EYS: variants seen among roughly 807,000 people sequenced by gnomAD.
EYS encodes the protein protein eyes shut homolog.
A neutral mutation model predicts 282.1 loss-of-function variants in EYS; 250 were observed. That is an observed-to-expected ratio of 0.89 (90% CI 0.80 to 0.98). The LOEUF (loss-of-function observed/expected upper bound fraction) is 0.98. EYS is among the 50% of genes least tolerant of loss of function. The pLI is 0.00. For synonymous variants in EYS, 1,355 were observed against 1,282.9 expected (o/e 1.06, Z -1.20); for missense variants, 4,016 against 3,709.0 (o/e 1.08, Z -2.15).
intron 28 of EYS, among the ~76,000 whole-genome samples, chr6:64,415,484 G>A (rs1050491257): frequency 6.6e-6 from 1 of 152,108 alleles, no homozygotes; most frequent in Non-Finnish European, 1.5e-5. Context: ...CATTCTCTCT[G>A]TCCTAATAGA....
intron 16 of EYS, among the ~76,000 whole-genome samples, chr6:64,903,147 T>A (rs1205095055): frequency 6.6e-6 from 1 of 152,134 alleles, no homozygotes; most frequent in Non-Finnish European, 1.5e-5. Context: ...TTAATATTTA[T>A]AATAAACAGT....
chr6:65,530,978 G>A (rs375459636), intron 2 of EYS, among the ~76,000 whole-genome samples: 5 of 151,852 alleles, frequency 3.3e-5, no homozygotes, highest in Non-Finnish European at 5.9e-5. Context: ...ATAATCACTC[G>A]CTCCTATAAG....
intron 7 of EYS, among the ~76,000 whole-genome samples, chr6:65,389,933 G>T (rs1765950431): frequency 6.6e-6 from 1 of 152,078 alleles, no homozygotes; most frequent in Non-Finnish European, 1.5e-5. Context: ...ATGGGGACCT[G>T]CAGGGGGTAC....
At chr6:65,051,929 A>G (rs943741756) in intron 13 of EYS, among the ~76,000 whole-genome samples, 35 of 151,556 alleles carry the variant, frequency 2.3e-4, no homozygotes, top group Middle Eastern at 3.2e-3. Flanking sequence ...CTACCCACTA[A>G]GAAAGCAGCC....
intron 22 of EYS, among the ~76,000 whole-genome samples, chr6:64,695,570 T>C (rs1770546588): frequency 6.8e-6 from 1 of 146,426 alleles, no homozygotes; most frequent in South Asian, 2.2e-4. Flanking sequence ...CAAATAATCA[T>C]ACTTTTTTTC....
intron 29 of EYS, among the ~76,000 whole-genome samples, chr6:64,316,019 C>A (rs775846529): frequency 2.0e-5 from 3 of 152,130 alleles, no homozygotes; most frequent in Non-Finnish European, 4.4e-5. Context: ...ATTCAACAAC[C>A]CTTCATGCTA....
chr6:65,003,116 G>A lies in EYS; in HGVS notation c.2138-5413C>T, dbSNP rs550181715. On this transcript the variant is annotated intron_variant, in intron 13 of 42. Transcript: ENST00000503581. Reference sequence around the variant, plus strand: ...GAGATAACCTTGAACTCTGACCGCCGGTGAGCTGGGCAGAACAGAGCCATA... The same window carrying A: ...GAGATAACCTTGAACTCTGACCGCCAGTGAGCTGGGCAGAACAGAGCCATA... Among the ~76,000 whole-genome samples, 178 of 147,858 alleles carry A rather than the reference G, an allele frequency of 1.2e-3. 16 individuals are homozygous for A. The highest frequency in any genetic ancestry group is 7.7e-3 in the South Asian group (35 of 4,548).
chr6:64,905,878 A>G (rs1269597565), intron 16 of EYS, among the ~76,000 whole-genome samples: 1 of 152,072 alleles, frequency 6.6e-6, no homozygotes, highest in Non-Finnish European at 1.5e-5. Flanking sequence ...AGGGAAAAAA[A>G]CTAGTGTATA....
At chr6:65,138,381 C>T (rs1776081679) in intron 12 of EYS, among the ~76,000 whole-genome samples, 1 of 151,942 alleles carries the variant, frequency 6.6e-6, no homozygotes, top group Non-Finnish European at 1.5e-5. Context: ...ATCATGTAAT[C>T]TACTACCAGC....
chr6:65,335,701 C>T (rs1769963354), intron 10 of EYS, among the ~76,000 whole-genome samples: 1 of 151,642 alleles, frequency 6.6e-6, no homozygotes, highest in South Asian at 2.1e-4. Context: ...ATTGCTTTCC[C>T]CACAAACTTG....
intron 24 of EYS, among the ~76,000 whole-genome samples, chr6:64,611,198 G>A (rs1262132298): frequency 2.0e-5 from 3 of 152,102 alleles, no homozygotes; most frequent in Admixed American, 2.0e-4. Flanking sequence ...CTGAGAAGCA[G>A]ATCGAGCCTT....
At chr6:64,776,233 C>A (rs1773673083) in intron 22 of EYS, among the ~76,000 whole-genome samples, 1 of 152,050 alleles carries the variant, frequency 6.6e-6, no homozygotes, top group Non-Finnish European at 1.5e-5. Flanking sequence ...GGAGATCGAG[C>A]AAACCTGTTT....
At chr6:65,145,420 T>C (rs1464118457) in intron 12 of EYS, among the ~76,000 whole-genome samples, 1 of 151,918 alleles carries the variant, frequency 6.6e-6, no homozygotes, top group East Asian at 1.9e-4. Context: ...AAGCCCTGTA[T>C]CTTTAGGTAT....
intron 5 of EYS, among the ~76,000 whole-genome samples, chr6:65,459,938 G>A (rs1562197796): frequency 1.9e-5 from 2 of 107,318 alleles, no homozygotes; most frequent in African/African-American, 5.8e-5. Flanking sequence ...TACTTTTTCT[G>A]GTGCGTGTGT....
At chr6:64,737,562 A>T (rs1458784676) in intron 22 of EYS, among the ~76,000 whole-genome samples, 2 of 152,104 alleles carry the variant, frequency 1.3e-5, no homozygotes, top group Admixed American at 6.5e-5. Flanking sequence ...GTGTAATTTC[A>T]TTTTCTGCTG....
intron 5 of EYS, among the ~76,000 whole-genome samples, chr6:65,459,007 A>C (rs562861999): frequency 6.6e-6 from 1 of 152,120 alleles, no homozygotes; most frequent in African/African-American, 2.4e-5. Flanking sequence ...AAAGTATAGA[A>C]TTTTTAAATT....
intron 26 of EYS, among the ~76,000 whole-genome samples, chr6:64,444,965 T>C (rs1246037110): frequency 6.6e-6 from 1 of 152,262 alleles, no homozygotes. Context: ...GTTGGTGCTA[T>C]GCTGGTACAG....
At chr6:63,928,302 A>T (rs1403641100) in intron 35 of EYS, among the ~76,000 whole-genome samples, 1 of 152,222 alleles carries the variant, frequency 6.6e-6, no homozygotes, top group Non-Finnish European at 1.5e-5. Flanking sequence ...TATCTTAAAA[A>T]AAAGTACATA....
chr6:65,654,394 G>A (rs112652221), intron 1 of EYS, among the ~76,000 whole-genome samples: 86 of 151,738 alleles, frequency 5.7e-4, no homozygotes, highest in Admixed American at 8.6e-4. Flanking sequence ...ACTCTTGGGC[G>A]TGGATATTAT....
Sources: gnomAD v4.1 joint callset for allele counts (sites outside exome capture counted in the v4.1 genomes callset) on GRCh38, gnomAD v4.1.1 for gene constraint, MANE v1.5 for transcripts, NCBI Gene and HGNC (gene_info 2026-07-23, HGNC 2026-07-21) for gene names.